HAUS8: variants seen among roughly 807,000 people sequenced by gnomAD.
HAUS8 encodes HAUS augmin-like complex subunit 8.
In HAUS8, 38 loss-of-function variants were observed where a neutral mutation model predicts 42.9. That is an observed-to-expected ratio of 0.89 (90% CI 0.68 to 1.16). The LOEUF (loss-of-function observed/expected upper bound fraction) is 1.16. Ranked by LOEUF, HAUS8 falls within the 50% of genes most tolerant of loss-of-function variation. HAUS8 has a pLI of 0.00. For missense variants in HAUS8, 494 were observed against 511.6 expected, an observed-to-expected ratio of 0.97 and a Z score of 0.33; for synonymous variants, 199 against 205.8, an observed-to-expected ratio of 0.97 and a Z score of 0.28.
At chr19:17,072,595 G>A (rs8101561) in intron 2 of HAUS8, among the ~76,000 whole-genome samples, 1 of 151,104 alleles carries the variant, frequency 6.6e-6, no homozygotes, top group African/African-American at 2.4e-5. Context: ...CCACCTTGGC[G>A]CCTCAAACTG....
At chr19:17,057,791 T>C (rs1212782197) in intron 8 of HAUS8, among the ~76,000 whole-genome samples, 2 of 152,104 alleles carry the variant, frequency 1.3e-5, no homozygotes, top group Non-Finnish European at 2.9e-5. Flanking sequence ...AAAGAGGGAC[T>C]TTATCAGGGT....
chr19:17,052,917 A>T lies in HAUS8; in HGVS notation c.837T>A (p.Leu279=). 2 of 1,614,062 alleles carry T rather than the reference A, an allele frequency of 1.2e-6. No homozygotes were observed. The highest frequency in any genetic ancestry group is 1.7e-6 in the Non-Finnish European group (2 of 1,180,006). Residue 279 remains leucine, a synonymous_variant, in exon 10 of 11, where the codon CTT becomes CTA. Coordinates refer to ENST00000253669, the MANE Select transcript of HAUS8 (RefSeq NM_033417.2). The part of the protein sequence containing the change: ...LVTTQRLLGE[L]DVGDSEENVQ... ...CATTTTCTTCCGAATCACCAACATC[A>T]AGTTCTCCCAGGAGGCGCTGAGTGG...
chr19:17,071,807 G>A (rs2057426094), intron 2 of HAUS8, among the ~76,000 whole-genome samples: 1 of 152,040 alleles, frequency 6.6e-6, no homozygotes, highest in Non-Finnish European at 1.5e-5. Flanking sequence ...GACCAGCCTG[G>A]CCAACATGGT....
intron 4 of HAUS8, among the ~76,000 whole-genome samples, chr19:17,062,267 G>C (rs1227561938): frequency 2.0e-5 from 3 of 152,310 alleles, no homozygotes; most frequent in Middle Eastern, 6.8e-3. Context: ...AAGTAGCTGG[G>C]ATTATAGGCG....
rs142499132 is a variant in HAUS8, at chr19:17,071,549, G to C, written c.91+1725C>G. ...ACAGCTGAGAGAAAGGACATCCCCA[G>C]CTCCCAGCAGAAAGACCATCCAGCC... On this transcript the variant is annotated intron_variant, in intron 2 of 10. Coordinates refer to ENST00000253669, the MANE Select transcript of HAUS8 (RefSeq NM_033417.2). Among the ~76,000 whole-genome samples the C allele has an allele frequency of 4.0e-3, 603 of 152,284 alleles. 2 individuals are homozygous for C. The highest frequency in any genetic ancestry group is 0.014 in the African/African-American group (566 of 41,544).
intron 6 of HAUS8, 58 bp downstream of exon 6, chr19:17,059,499 A>G: frequency 2.5e-6 from 3 of 1,195,480 alleles, no homozygotes; most frequent in Non-Finnish European, 3.7e-6. Flanking sequence ...TTCAGAGTGG[A>G]CTCTAAATCA....
intron 5 of HAUS8, 138 bp from the exon 6 acceptor site, chr19:17,059,789 A>C: frequency 5.8e-6 from 4 of 691,142 alleles, no homozygotes; most frequent in Non-Finnish European, 5.0e-6. Flanking sequence ...ATAACAGTCC[A>C]GTTAAAGTTG....
intron 9 of HAUS8, among the ~76,000 whole-genome samples, chr19:17,054,573 G>A (rs781134905): frequency 5.3e-5 from 8 of 152,056 alleles, no homozygotes; most frequent in Admixed American, 2.0e-4. Context: ...AGGGCAAGGC[G>A]GGCAGATCAC....
At chr19:17,055,790 C>A in intron 9 of HAUS8, 71 bp downstream of exon 9, 2 of 1,492,738 alleles carry the variant, frequency 1.3e-6, no homozygotes, top group African/African-American at 2.8e-5. Flanking sequence ...TGACATCAGG[C>A]CCACAGGAAG....
chr19:17,056,965 C>T (rs1006025835), intron 8 of HAUS8, among the ~76,000 whole-genome samples: 2 of 152,082 alleles, frequency 1.3e-5, no homozygotes, highest in African/African-American at 4.8e-5. Flanking sequence ...CTGCAGCCTC[C>T]ACCTCCCAGG....
At chr19:17,067,112 G>A (rs2057391346) in intron 3 of HAUS8, among the ~76,000 whole-genome samples, 1 of 151,872 alleles carries the variant, frequency 6.6e-6, no homozygotes, top group African/African-American at 2.4e-5. Context: ...GGCTGAGGAA[G>A]GAGAATGGCT....
intron 1 of HAUS8, 152 bp downstream of exon 1, chr19:17,075,242 C>G: frequency 1.3e-6 from 1 of 798,808 alleles, no homozygotes; most frequent in South Asian, 1.5e-5. Context: ...TGCGCAGAGG[C>G]AGCACGCCAT....
chr19:17,059,516 T>C (rs1323250773), intron 6 of HAUS8, 41 bp downstream of exon 6: 9 of 1,380,132 alleles, frequency 6.5e-6, no homozygotes, highest in South Asian at 1.2e-5. Flanking sequence ...ATCAGATCTA[T>C]GCAACCCATC....
intron 9 of HAUS8, 103 bp from the exon 10 acceptor site, chr19:17,053,069 C>T (rs541150443): frequency 2.4e-5 from 34 of 1,393,014 alleles, no homozygotes; most frequent in Middle Eastern, 2.3e-4. Flanking sequence ...GCTCGGCTAT[C>T]GCGCTGGAAC....
intron 9 of HAUS8, among the ~76,000 whole-genome samples, chr19:17,054,678 G>A (rs1231841390): frequency 6.6e-6 from 1 of 151,960 alleles, no homozygotes; most frequent in Non-Finnish European, 1.5e-5. Context: ...GTGCATGCCT[G>A]TAATCCTAGC....
chr19:17,070,597 C>T (rs1161894995), intron 2 of HAUS8, among the ~76,000 whole-genome samples: 1 of 152,238 alleles, frequency 6.6e-6, no homozygotes, highest in Non-Finnish European at 1.5e-5. Flanking sequence ...GCACACTTGT[C>T]TCTGCCTGCC....
At chr19:17,075,361 T>A in intron 1 of HAUS8, 33 bp downstream of exon 1, 3 of 1,612,788 alleles carry the variant, frequency 1.9e-6, no homozygotes, top group Non-Finnish European at 1.7e-6. Flanking sequence ...CTATGGCGTC[T>A]ACAAATCCAG....
At position 17,056,574 on chromosome 19, in the gene HAUS8, G is replaced by GAC. The variant is rs372736566; in HGVS notation, c.646-574_646-573dup. Among the ~76,000 whole-genome samples the GAC allele has an allele frequency of 5.5e-3, 831 of 150,418 alleles. 5 individuals are homozygous for GAC. Among genetic ancestry groups the GAC allele is most frequent in the East Asian group, 0.029 (147 of 5,126 alleles). On this transcript the variant is annotated intron_variant, in intron 8 of 10. Coordinates refer to ENST00000253669, the MANE Select transcript of HAUS8 (RefSeq NM_033417.2). ...ACACACACACACAGACACACATACA[G>GAC]ACACACACACACACACATACACATA...
At chr19:17,062,645 A>G (rs367932849) in intron 4 of HAUS8, 53 bp downstream of exon 4, 131 of 1,376,818 alleles carry the variant, frequency 9.5e-5, no homozygotes, top group Non-Finnish European at 1.8e-5. Flanking sequence ...ACCCATGGAG[A>G]CAAAATTTAC....
Sources: gnomAD v4.1 joint callset for allele counts (sites outside exome capture counted in the v4.1 genomes callset) on GRCh38, gnomAD v4.1.1 for gene constraint, MANE v1.5 for transcripts, NCBI Gene and HGNC (gene_info 2026-07-23, HGNC 2026-07-21) for gene names.